Variants in PTPRD observed in about 807,000 individuals in gnomAD.
The protein encoded by PTPRD is protein tyrosine phosphatase receptor type D, also known as receptor-type tyrosine-protein phosphatase delta.
A neutral mutation model predicts 214.5 loss-of-function variants in PTPRD; 34 were observed. The ratio of observed to expected loss-of-function variants is 0.16; its 90% CI spans 0.12 to 0.21. PTPRD has a LOEUF of 0.21. Ranked by LOEUF, PTPRD falls within the 10% of genes least tolerant of loss-of-function variation. The pLI, the probability that PTPRD is intolerant of heterozygous loss-of-function variation, is 1.00. For synonymous variants in PTPRD, 1,128 were observed against 845.7 expected, an observed-to-expected ratio of 1.33 and a Z score of -5.79; for missense variants, 2,545 against 2,398.7, an observed-to-expected ratio of 1.06 and a Z score of -1.27.
intron 2 of PTPRD, among the ~76,000 whole-genome samples, chr9:10,347,600 G>T (rs1478549805): frequency 4.0e-5 from 6 of 151,522 alleles, no homozygotes; most frequent in Non-Finnish European, 1.5e-5. Context: ...TAGTAGAGAC[G>T]GGGTTTCTCC....
chr9:9,195,447 T>C (rs1303605382), intron 9 of PTPRD, among the ~76,000 whole-genome samples: 1 of 152,104 alleles, frequency 6.6e-6, no homozygotes, highest in Non-Finnish European at 1.5e-5. Flanking sequence ...ATTGGTCATA[T>C]CCGTAGTAAG....
chr9:9,968,345 G>A (rs973057303), intron 4 of PTPRD, among the ~76,000 whole-genome samples: 3 of 152,112 alleles, frequency 2.0e-5, no homozygotes, highest in Admixed American at 1.3e-4. Context: ...ACGTCATTTT[G>A]CACTGTCTTA....
At chr9:9,292,981 C>G (rs7042931) in intron 9 of PTPRD, among the ~76,000 whole-genome samples, 108,080 of 151,214 alleles carry the variant, frequency 0.71, 38,861 homozygotes, top group African/African-American at 0.76. Context: ...TGATTACCTG[C>G]TTAAGGTAGT....
intron 5 of PTPRD, among the ~76,000 whole-genome samples, chr9:9,904,023 C>A (rs935773139): frequency 1.3e-5 from 2 of 152,008 alleles, no homozygotes; most frequent in African/African-American, 2.4e-5. Context: ...ACCAGTTACC[C>A]CTGGCAAAGT....
At chr9:8,462,885 A>G (rs1178860094) in intron 32 of PTPRD, among the ~76,000 whole-genome samples, 2 of 151,874 alleles carry the variant, frequency 1.3e-5, no homozygotes, top group Admixed American at 6.6e-5. Flanking sequence ...ACAGACTCCT[A>G]GAAGGTAGGG....
chr9:9,787,075 T>TGCA (rs1177773373), intron 5 of PTPRD, among the ~76,000 whole-genome samples: 1 of 151,958 alleles, frequency 6.6e-6, no homozygotes, highest in African/African-American at 2.4e-5. Context: ...CAGCGGAGGT[T>TGCA]GCAGTGATCT....
chr9:10,140,195 C>G (rs1314148022), intron 3 of PTPRD, among the ~76,000 whole-genome samples: 2 of 151,550 alleles, frequency 1.3e-5, no homozygotes, highest in South Asian at 2.1e-4. Flanking sequence ...TCTATAAACC[C>G]CAATATCCAG....
chr9:8,517,970 C>T lies in PTPRD; in HGVS notation c.1421G>A (p.Ser474Asn), dbSNP rs2138481518. ...NNWMKHNVAD[S>N]QITTIGNLVP... ...TAAGTTGCCAATAGTAGTGATTTGG[C>T]TGTCAGCTACATTGTGTTTCATCCA... Residue 474 changes from serine (S) to asparagine (N), a missense_variant, in exon 21 of 46, where the codon AGC becomes AAC. Transcript: ENST00000381196. 1 of 1,614,158 alleles carries T rather than the reference C, an allele frequency of 6.2e-7. No homozygotes were observed. The highest frequency in any genetic ancestry group is 8.5e-7 in the Non-Finnish European group (1 of 1,180,020).
At chr9:9,914,772 A>G (rs868618631) in intron 5 of PTPRD, among the ~76,000 whole-genome samples, 1 of 152,160 alleles carries the variant, frequency 6.6e-6, no homozygotes, top group Non-Finnish European at 1.5e-5. Context: ...GCTTGTGCTC[A>G]TATCTCAGGC....
chr9:10,017,802 A>C (rs896326962), intron 4 of PTPRD, among the ~76,000 whole-genome samples: 3 of 152,134 alleles, frequency 2.0e-5, no homozygotes, highest in East Asian at 3.9e-4. Context: ...TGGGAGAATT[A>C]ATTTTTCAAG....
Position 8,680,112 on chromosome 9 carries a change from T to C in PTPRD, c.65-43268A>G, listed in dbSNP as rs79439877. Among the ~76,000 whole-genome samples the C allele has an allele frequency of 2.1e-3, 312 of 151,904 alleles. 1 individual carries two copies. The highest frequency in any genetic ancestry group is 0.015 in the East Asian group (79 of 5,184). On this transcript the variant is annotated intron_variant, in intron 12 of 45. Transcript: ENST00000381196. The stretch of plus-strand genomic sequence containing the variant: ...TTTGTTTCTACTGCATAATTACACA[T>C]ATATCATTTTGAATAATTTATATTA...
At chr9:8,584,147 C>G (rs145267401) in intron 14 of PTPRD, among the ~76,000 whole-genome samples, 207 of 152,104 alleles carry the variant, frequency 1.4e-3, no homozygotes, top group African/African-American at 4.9e-3. Context: ...GAGTGAGATC[C>G]TGTCTCAAAA....
intron 5 of PTPRD, among the ~76,000 whole-genome samples, chr9:9,785,310 G>A (rs2098914170): frequency 6.6e-6 from 1 of 151,954 alleles, no homozygotes; most frequent in South Asian, 2.1e-4. Flanking sequence ...TAATCTCACA[G>A]TATCTCCTAC....
At chr9:8,793,685 T>A (rs1018361978) in intron 11 of PTPRD, among the ~76,000 whole-genome samples, 5 of 152,226 alleles carry the variant, frequency 3.3e-5, no homozygotes, top group Middle Eastern at 3.4e-3. Context: ...ACCATAATAT[T>A]CTGTTAGACA....
In PTPRD at chr9:10,265,424, C is replaced by T. The variant is rs371805730; in HGVS notation, c.-545+75539G>A. Among the ~76,000 whole-genome samples the T allele has an allele frequency of 3.9e-5, 6 of 152,286 alleles. No homozygotes were observed. In the East Asian group the frequency reaches 7.7e-4, roughly 20 times the overall value. On this transcript the variant is annotated intron_variant, in intron 3 of 45. Coordinates refer to ENST00000381196, the MANE Select transcript of PTPRD (RefSeq NM_002839.4). ...CTGACCGTAGCCACATGAGTGAGTC[C>T]AGGAAAAGCCATTATAGAATAACTG...
intron 5 of PTPRD, among the ~76,000 whole-genome samples, chr9:9,864,730 G>C (rs1359621138): frequency 6.6e-6 from 1 of 151,912 alleles, no homozygotes; most frequent in South Asian, 2.1e-4. Flanking sequence ...TGTTGCCTAG[G>C]CTTGAACTGC....
intron 33 of PTPRD, chr9:8,451,842 T>C (rs1202738804): frequency 4.1e-6 from 2 of 482,988 alleles, no homozygotes; most frequent in Non-Finnish European, 8.3e-6. Flanking sequence ...CTTGCAAGAT[T>C]ATGGAAACCA....
intron 36 of PTPRD, among the ~76,000 whole-genome samples, chr9:8,403,174 G>C (rs947255150): frequency 6.6e-6 from 1 of 152,164 alleles, no homozygotes; most frequent in Non-Finnish European, 1.5e-5. Flanking sequence ...AAGCAGGTAG[G>C]AGATGTGGTC....
At chr9:9,037,135 C>G (rs1443493715) in intron 10 of PTPRD, among the ~76,000 whole-genome samples, 2 of 152,094 alleles carry the variant, frequency 1.3e-5, no homozygotes, top group Non-Finnish European at 2.9e-5. Flanking sequence ...GGAATTAAAT[C>G]TAGGCCAAAC....
Sources: allele counts gnomAD v4.1 joint callset (sites outside exome capture counted in the v4.1 genomes callset), GRCh38; gene constraint gnomAD v4.1.1; transcripts MANE v1.5; gene names NCBI Gene and HGNC (gene_info 2026-07-23, HGNC 2026-07-21).